The following DMD variants were observed in gnomAD, a reference collection of about 807,000 sequenced individuals.
DMD encodes dystrophin, also known as mutant dystrophin.
DMD carries 63 observed loss-of-function variants against 330.1 expected under a neutral mutation model. That is an observed-to-expected ratio of 0.19 (90% CI 0.16 to 0.24). DMD has a LOEUF of 0.24. Ranked by LOEUF, DMD falls within the 10% of genes least tolerant of loss-of-function variation. The pLI, the probability that DMD is intolerant of heterozygous loss-of-function variation, is 1.00. For missense variants in DMD, 3,344 were observed against 2,684.1 expected (o/e 1.25, Z -5.43); for synonymous variants, 1,223 against 959.8 (o/e 1.27, Z -5.07).
intron 48 of DMD, among the ~76,000 whole-genome samples, chrX:31,854,134 G>C (rs760995573): frequency 3.4e-4 from 38 of 112,294 alleles, no homozygotes; most frequent in African/African-American, 1.2e-3. Flanking sequence ...TGTGGTCATA[G>C]TATTGTTCAG....
intron 16 of DMD, among the ~76,000 whole-genome samples, chrX:32,546,331 C>T (rs2048962157): frequency 9.2e-6 from 1 of 109,055 alleles, no homozygotes; most frequent in African/African-American, 3.3e-5. Flanking sequence ...TCACAAGAGG[C>T]CTGCATTGAA....
At chrX:32,476,805 C>T (rs1480655148) in intron 21 of DMD, among the ~76,000 whole-genome samples, 2 of 111,747 alleles carry the variant, frequency 1.8e-5, no homozygotes, top group Non-Finnish European at 3.8e-5. Context: ...TCTGTAGATG[C>T]TGCCCTTGTG....
intron 55 of DMD, among the ~76,000 whole-genome samples, chrX:31,572,263 TA>T (rs1569552147): frequency 8.9e-6 from 1 of 112,639 alleles, no homozygotes; most frequent in African/African-American, 3.2e-5. Flanking sequence ...TTTAGTATAG[TA>T]GAATCGTGCC....
intron 17 of DMD, among the ~76,000 whole-genome samples, chrX:32,543,008 G>C (rs1471638397): frequency 2.7e-5 from 3 of 111,527 alleles, no homozygotes; most frequent in Admixed American, 1.9e-4. Context: ...AGGTTTTGTA[G>C]CTACCTCAGT....
chrX:31,647,326 C>G (rs963888969), intron 54 of DMD, among the ~76,000 whole-genome samples: 2 of 111,726 alleles, frequency 1.8e-5, no homozygotes, highest in Non-Finnish European at 3.8e-5. Context: ...GATGGAACAA[C>G]AGTTCCGTTT....
intron 19 of DMD, among the ~76,000 whole-genome samples, chrX:32,497,983 G>A (rs1569564886): frequency 9.0e-6 from 1 of 111,587 alleles, no homozygotes; most frequent in East Asian, 2.8e-4. Context: ...ATAACATTTT[G>A]TATTTAAATT....
intron 1 of DMD, among the ~76,000 whole-genome samples, chrX:33,113,112 G>A (rs192094995): frequency 0.027 from 2,788 of 103,081 alleles, 116 homozygotes; most frequent in African/African-American, 0.094. Context: ...GGAGTGCAGC[G>A]GCTCAATCTC....
chrX:33,066,461 A>AAGG (rs1557243808), intron 1 of DMD, among the ~76,000 whole-genome samples: 1 of 84,207 alleles, frequency 1.2e-5, no homozygotes, highest in African/African-American at 5.3e-5. Flanking sequence ...AAAAAAAAAA[A>AAGG]AAGGAAGGAA....
chrX:32,259,796 G>T (rs192409523), intron 43 of DMD, among the ~76,000 whole-genome samples: 1 of 111,372 alleles, frequency 9.0e-6, no homozygotes, highest in East Asian at 2.8e-4. Context: ...TTTGATCACC[G>T]TCCCATAAAA....
At position 31,289,251 on chromosome X, in the gene DMD, CA is replaced by C. The variant is rs773939250; in HGVS notation, c.9225-28236del. 1.8e-3 allele frequency among the ~76,000 whole-genome samples: 42 copies of C among 23,563 alleles called. 3 individuals are homozygous for C. The highest frequency in any genetic ancestry group is 2.6e-3 in the East Asian group (3 of 1,135). The allele number at this position is 23,563 out of a possible 115,157, so 20.5% of individuals were successfully genotyped here. ...CTGCACTCCAGCCTGGGTGACAGAG[CA>C]AAAAAAAAAAAAATAAAAAATAAAA... On this transcript the variant is annotated intron_variant, in intron 62 of 78. Coordinates refer to ENST00000357033, the MANE Select transcript of DMD (RefSeq NM_004006.3).
chrX:32,180,820 AACTC>A (rs1280788507), intron 44 of DMD, among the ~76,000 whole-genome samples: 48 of 110,878 alleles, frequency 4.3e-4, no homozygotes, highest in Non-Finnish European at 7.6e-4. Flanking sequence ...ATCTTGTGAG[AACTC>A]ACTCACTATC....
rs983368437 is a variant in DMD at position 31,952,039 on chromosome X, G to T, written c.6614+16300C>A. 2.7e-5 allele frequency among the ~76,000 whole-genome samples: 3 copies of T among 110,850 alleles called. No individual in the cohort carries two copies. The Admixed American group carries it at 2.9e-4, about 11-fold the overall frequency. On this transcript the variant is annotated intron_variant, in intron 45 of 78. Transcript: ENST00000357033. ...TGAATATGTCATTTCAATACCTCTG[G>T]CCTCTATTGTTTATGATGAGAAATT...
chrX:31,605,029 A>G (rs2077545222), intron 55 of DMD, among the ~76,000 whole-genome samples: 1 of 112,074 alleles, frequency 8.9e-6, no homozygotes, highest in South Asian at 3.7e-4. Context: ...GTTATACAGA[A>G]ATGAGAAAAT....
At chrX:31,925,127 C>T (rs1011385634) in intron 47 of DMD, among the ~76,000 whole-genome samples, 19 of 111,565 alleles carry the variant, frequency 1.7e-4, no homozygotes, top group Admixed American at 1.4e-3. Context: ...AACACAGCAT[C>T]TAGTTCTCAA....
chrX:31,887,537 A>G (rs2094173204), intron 47 of DMD, among the ~76,000 whole-genome samples: 1 of 111,974 alleles, frequency 8.9e-6, no homozygotes, highest in Non-Finnish European at 1.9e-5. Flanking sequence ...TTCCCTCAAT[A>G]AAATATCTCT....
intron 62 of DMD, among the ~76,000 whole-genome samples, chrX:31,300,025 T>C (rs2054523903): frequency 8.9e-6 from 1 of 111,928 alleles, no homozygotes; most frequent in Admixed American, 9.5e-5. Context: ...ATAAAGATTT[T>C]TTTTTCACCT....
At chrX:32,903,045 T>C (rs1166394492) in intron 2 of DMD, among the ~76,000 whole-genome samples, 3 of 100,752 alleles carry the variant, frequency 3.0e-5, no homozygotes, top group Non-Finnish European at 5.8e-5. Flanking sequence ...TAGTCCCAGC[T>C]ACTCAGGAGG....
At chrX:32,558,142 T>A (rs757235430) in intron 16 of DMD, among the ~76,000 whole-genome samples, 81 of 111,494 alleles carry the variant, frequency 7.3e-4, no homozygotes, top group African/African-American at 2.5e-3. Context: ...CAATTTAATG[T>A]ATTTTGTTCC....
chrX:33,129,510 T>A (rs776754313), intron 1 of DMD, among the ~76,000 whole-genome samples: 1 of 54,156 alleles, frequency 1.8e-5, no homozygotes, highest in East Asian at 8.1e-4. Context: ...GCCACAATTT[T>A]ACAAGGTTTC....
Sources: gnomAD v4.1 joint callset for allele counts (sites outside exome capture counted in the v4.1 genomes callset) on GRCh38, gnomAD v4.1.1 for gene constraint, MANE v1.5 for transcripts, NCBI Gene and HGNC (gene_info 2026-07-23, HGNC 2026-07-21) for gene names.